Variants in PPP1R16B observed in about 807,000 individuals in gnomAD.
The protein encoded by PPP1R16B is protein phosphatase 1 regulatory inhibitor subunit 16B.
In PPP1R16B, 14 loss-of-function variants were observed where a neutral mutation model predicts 61.7. That is an observed-to-expected ratio of 0.23 (90% CI 0.15 to 0.35). The LOEUF (loss-of-function observed/expected upper bound fraction) is 0.35, where lower values mean the gene tolerates loss of function less well. Ranked by LOEUF, PPP1R16B falls within the 10% of genes least tolerant of loss-of-function variation. The probability of loss-of-function intolerance (pLI) is 1.00; values close to 1 mark genes in which losing one functional copy is unlikely to be tolerated. For missense variants in PPP1R16B, 547 were observed against 752.5 expected (o/e 0.73, Z 3.19); for synonymous variants, 266 against 305.3 (o/e 0.87, Z 1.34).
intron 2 of PPP1R16B, among the ~76,000 whole-genome samples, chr20:38,851,602 C>T (rs2084969447): frequency 1.3e-5 from 2 of 152,200 alleles, no homozygotes; most frequent in Admixed American, 1.3e-4. Context: ...CATCATCAGG[C>T]TGGCATTGGT....
intron 10 of PPP1R16B, among the ~76,000 whole-genome samples, chr20:38,916,350 T>C (rs146770946): frequency 6.8e-6 from 1 of 148,104 alleles, no homozygotes; most frequent in African/African-American, 2.5e-5. Flanking sequence ...CATATATATG[T>C]TATATGTACA....
intron 2 of PPP1R16B, among the ~76,000 whole-genome samples, chr20:38,878,002 T>A (rs2145750546): frequency 6.9e-6 from 1 of 144,524 alleles, no homozygotes; most frequent in African/African-American, 2.6e-5. Context: ...ATTGCTGCTT[T>A]ATGGGAAGGA....
At chr20:38,895,384 G>A (rs1189187116) in intron 3 of PPP1R16B, among the ~76,000 whole-genome samples, 181 bp from the exon 4 acceptor site, 1 of 151,178 alleles carries the variant, frequency 6.6e-6, no homozygotes, top group African/African-American at 2.5e-5. Flanking sequence ...GGCCCAGAGA[G>A]GTTAAGTGGC....
intron 2 of PPP1R16B, among the ~76,000 whole-genome samples, chr20:38,843,593 C>A (rs1463551305): frequency 6.6e-6 from 1 of 152,222 alleles, no homozygotes; most frequent in Non-Finnish European, 1.5e-5. Flanking sequence ...TGTTGGAAAT[C>A]ATGTACCATC....
At position 38,914,270 on chromosome 20, in the gene PPP1R16B, T is replaced by A. The variant is rs895543532; in HGVS notation, c.1195-3887T>A. Among the ~76,000 whole-genome samples, 3 of 152,072 alleles carry A rather than the reference T, an allele frequency of 2.0e-5. No individual in the cohort carries two copies. The East Asian group carries it at 5.8e-4, about 29-fold the overall frequency. The stretch of plus-strand genomic sequence containing the variant: ...ATTTCAGAGGAAAAGAATGAGAATT[T>A]GGGGGACTGTGTTTGGGTTGTCCTA... On this transcript the variant is annotated intron_variant, in intron 10 of 10. Coordinates refer to ENST00000299824, the MANE Select transcript of PPP1R16B (RefSeq NM_015568.4).
chr20:38,887,643 TA>T (rs2085255742), intron 2 of PPP1R16B, among the ~76,000 whole-genome samples: 1 of 152,218 alleles, frequency 6.6e-6, no homozygotes, highest in South Asian at 2.1e-4. Context: ...CCTGAGAAAC[TA>T]AATTTTGAAT....
At chr20:38,838,759 C>T (rs745712146) in intron 2 of PPP1R16B, among the ~76,000 whole-genome samples, 3 of 152,170 alleles carry the variant, frequency 2.0e-5, no homozygotes, top group African/African-American at 4.8e-5. Flanking sequence ...GCATGGGCTG[C>T]GGGCTTCAGA....
In PPP1R16B at chr20:38,921,090, A is replaced by C. The variant is rs1380350903; in HGVS notation, c.*2424A>C. 6.6e-6 allele frequency: 1 copy of C among 152,202 alleles called. No individual in the cohort carries two copies. The highest frequency in any genetic ancestry group is 1.5e-5 in the Non-Finnish European group (1 of 68,060). 9.4% of individuals were successfully genotyped at this position (152,202 alleles called of 1,614,324 possible). A position where few individuals can be genotyped will look rare whatever the true frequency, so the allele number is the denominator to read the frequency against. ...CCGCATGCCTCCTGCCTCCTGGGCTATTCCTCTCCACCCAGAAGGCTGGGA... is the reference window on the plus strand; with the variant it reads ...CCGCATGCCTCCTGCCTCCTGGGCTCTTCCTCTCCACCCAGAAGGCTGGGA... On this transcript the variant is annotated 3_prime_UTR_variant, in exon 11 of 11. Coordinates refer to ENST00000299824, the MANE Select transcript of PPP1R16B (RefSeq NM_015568.4).
chr20:38,835,945 T>A lies in PPP1R16B; in HGVS notation c.20T>A (p.Leu7Gln). Reference protein sequence around the residue: MASHVDLLTELQLLEKV... With the variant: MASHVDQLTELQLLEKV... The stretch of plus-strand genomic sequence containing the variant: ...GTGGCCATGGCCAGTCACGTGGACC[T>A]GCTGACGGAGCTGCAGCTGCTGGAG... The change falls in exon 2 of 11, where the codon CTG (leucine) becomes CAG (glutamine). Residue 7 changes from leucine to glutamine, a missense_variant. Coordinates refer to ENST00000299824, the MANE Select transcript of PPP1R16B (RefSeq NM_015568.4). 6.5e-7 allele frequency: 1 copy of A among 1,543,302 alleles called. No homozygotes were observed.
chr20:38,884,769 C>G (rs560105875), intron 2 of PPP1R16B, among the ~76,000 whole-genome samples: 2 of 150,552 alleles, frequency 1.3e-5, no homozygotes, highest in Admixed American at 1.3e-4. Flanking sequence ...GAGGCCCTGT[C>G]TCTTAAAAAA....
At chr20:38,836,952 C>T (rs898989994) in intron 2 of PPP1R16B, among the ~76,000 whole-genome samples, 3 of 152,210 alleles carry the variant, frequency 2.0e-5, no homozygotes, top group Non-Finnish European at 2.9e-5. Flanking sequence ...GCATTACTTT[C>T]CTAGATATAG....
At chr20:38,913,795 G>A (rs7272394) in intron 10 of PPP1R16B, among the ~76,000 whole-genome samples, 5,845 of 152,218 alleles carry the variant, frequency 0.038, 367 homozygotes, top group African/African-American at 0.13. Flanking sequence ...TTTCCAGAAC[G>A]GTCTTCAGGA....
At chr20:38,828,265 C>T (rs1173726479) in intron 1 of PPP1R16B, among the ~76,000 whole-genome samples, 2 of 152,324 alleles carry the variant, frequency 1.3e-5, no homozygotes, top group Admixed American at 6.5e-5. Flanking sequence ...GACCTTCCTA[C>T]CCTTCCTCAA....
At chr20:38,875,555 C>T (rs1199212109) in intron 2 of PPP1R16B, among the ~76,000 whole-genome samples, 3 of 152,186 alleles carry the variant, frequency 2.0e-5, no homozygotes, top group Non-Finnish European at 2.9e-5. Flanking sequence ...ACATGGGAAC[C>T]GAGTCTGTAT....
intron 10 of PPP1R16B, among the ~76,000 whole-genome samples, chr20:38,915,132 A>T (rs1383051636): frequency 6.6e-6 from 1 of 152,150 alleles, no homozygotes; most frequent in East Asian, 1.9e-4. Context: ...GTTATCACTG[A>T]TGAGCCAATA....
intron 1 of PPP1R16B, among the ~76,000 whole-genome samples, chr20:38,829,068 C>T (rs2084821001): frequency 6.6e-6 from 1 of 152,182 alleles, no homozygotes; most frequent in South Asian, 2.1e-4. Context: ...GTCTCTGCTT[C>T]CCCAGATATG....
chr20:38,843,488 A>G (rs545402355), intron 2 of PPP1R16B, among the ~76,000 whole-genome samples: 2 of 152,320 alleles, frequency 1.3e-5, no homozygotes, highest in Admixed American at 1.3e-4. Flanking sequence ...CCCTCTCTAT[A>G]GGACAGCTCG....
At chr20:38,842,719 A>G (rs1422764843) in intron 2 of PPP1R16B, among the ~76,000 whole-genome samples, 2 of 151,634 alleles carry the variant, frequency 1.3e-5, no homozygotes. Flanking sequence ...ACAGTGCTGG[A>G]CACCTGGGCC....
At chr20:38,823,416 G>A (rs1026239813) in intron 1 of PPP1R16B, among the ~76,000 whole-genome samples, 3 of 152,128 alleles carry the variant, frequency 2.0e-5, no homozygotes, top group Admixed American at 6.5e-5. Context: ...CAAGGCTGGC[G>A]GATCACTTGA....
Sources: gnomAD v4.1 joint callset for allele counts (sites outside exome capture counted in the v4.1 genomes callset) on GRCh38, gnomAD v4.1.1 for gene constraint, MANE v1.5 for transcripts, NCBI Gene and HGNC (gene_info 2026-07-23, HGNC 2026-07-21) for gene names.